Variants in KIAA1217 observed in about 807,000 individuals in gnomAD.
KIAA1217 encodes the protein KIAA1217.
Under a neutral mutation model 163.9 loss-of-function variants are expected in KIAA1217, and 88 were observed. The ratio of observed to expected loss-of-function variants is 0.54; its 90% confidence interval spans 0.45 to 0.64. The LOEUF (loss-of-function observed/expected upper bound fraction) is 0.64. Ranked by LOEUF, KIAA1217 falls within the 30% of genes least tolerant of loss-of-function variation. The probability of loss-of-function intolerance (pLI) is 0.00; values close to 1 mark genes in which losing one functional copy is unlikely to be tolerated. For synonymous variants in KIAA1217, 903 were observed against 923.1 expected (o/e 0.98, Z 0.39); for missense variants, 2,372 against 2,475.0 (o/e 0.96, Z 0.88).
chr10:24,217,532 A>G (rs759694400), intron 1 of KIAA1217, among the ~76,000 whole-genome samples: 103 of 152,232 alleles, frequency 6.8e-4, no homozygotes, highest in Admixed American at 4.6e-4. Flanking sequence ...GAAGACTGGA[A>G]CAGGAAAACC....
At chr10:24,196,843 G>C (rs972133601) in intron 2 of KIAA1217, among the ~76,000 whole-genome samples, 1 of 152,200 alleles carries the variant, frequency 6.6e-6, no homozygotes, top group Non-Finnish European at 1.5e-5. Context: ...GCCTCCAGCT[G>C]TTTTATGGGG....
intron 2 of KIAA1217, among the ~76,000 whole-genome samples, chr10:24,369,762 C>T (rs2051312801): frequency 1.3e-5 from 2 of 152,128 alleles, no homozygotes; most frequent in African/African-American, 4.8e-5. Flanking sequence ...ACACAGACAC[C>T]TTTTATCCTA....
At chr10:24,024,460 C>A (rs1430163911) in intron 2 of KIAA1217, among the ~76,000 whole-genome samples, 2 of 151,530 alleles carry the variant, frequency 1.3e-5, no homozygotes, top group Non-Finnish European at 3.0e-5. Context: ...TTATTTTTAT[C>A]CACGCAGTAG....
chr10:23,695,585 G>A lies in KIAA1217; in HGVS notation c.-321+351G>A, dbSNP rs1835976099. On this transcript the variant is annotated intron_variant, in intron 1 of 18. Transcript: ENST00000376462. This position sits in a 1 kb window ranked among gnomAD's most constrained non-coding sequence, Gnocchi z 4.9. ...TTGGCGTGCCCCCCTGGAGTGGCGA[G>A]CCAGGGGCTTATATAGGTGCGACTA... Among the ~76,000 whole-genome samples the A allele has an allele frequency of 6.6e-6, 1 of 152,162 alleles. No individual in the cohort carries two copies. The highest frequency in any genetic ancestry group is 6.5e-5 in the Admixed American group (1 of 15,284).
At chr10:24,133,203 G>A (rs144525652) in intron 2 of KIAA1217, among the ~76,000 whole-genome samples, 1 of 152,228 alleles carries the variant, frequency 6.6e-6, no homozygotes, top group African/African-American at 2.4e-5. Context: ...GAGAATCTCT[G>A]AGGAACCCGC....
intron 2 of KIAA1217, among the ~76,000 whole-genome samples, chr10:24,183,986 C>T (rs946608541): frequency 2.0e-5 from 3 of 152,186 alleles, no homozygotes; most frequent in Admixed American, 2.0e-4. Context: ...AAAAACATAT[C>T]TCCCCTGAGC....
intron 20 of KIAA1217, 79 bp from the exon 21 acceptor site, chr10:24,545,748 G>A (rs894888444): frequency 1.6e-5 from 24 of 1,524,228 alleles, no homozygotes; most frequent in Non-Finnish European, 1.9e-5. Context: ...ATTCTCAGAA[G>A]GGCTGTGTTG....
chr10:23,815,568 T>C lies in KIAA1217; in HGVS notation c.-321+120334T>C, dbSNP rs542046627. Among the ~76,000 whole-genome samples the C allele has an allele frequency of 2.1e-3, 322 of 152,212 alleles. 2 individuals carry two copies. The highest frequency in any genetic ancestry group is 7.4e-3 in the African/African-American group (309 of 41,520). ...CTGAGGCAGGAGAATGACGTGAACC[T>C]GGGAGGCAGAGCTTGCAGTGAGCTG... On this transcript the variant is annotated intron_variant, in intron 1 of 18. Transcript: ENST00000376462.
intron 3 of KIAA1217, among the ~76,000 whole-genome samples, chr10:24,391,333 C>CTTTTTTTTTTTTT (rs768727392): frequency 2.0e-3 from 59 of 29,880 alleles, no homozygotes; most frequent in East Asian, 4.0e-3. Flanking sequence ...TTCTTTCTTT[C>CTTTTTTTTTTTTT]TTTTTTTTTT....
chr10:24,148,543 G>A (rs750319263), intron 2 of KIAA1217, among the ~76,000 whole-genome samples: 18 of 152,040 alleles, frequency 1.2e-4, no homozygotes, highest in Non-Finnish European at 2.1e-4. Context: ...TTGAGTTCTC[G>A]CTGTAAGTTC....
At chr10:24,333,778 G>T (rs1303637017) in intron 2 of KIAA1217, among the ~76,000 whole-genome samples, 1 of 152,190 alleles carries the variant, frequency 6.6e-6, no homozygotes, top group Non-Finnish European at 1.5e-5. Context: ...CATTGAAAAA[G>T]CCATAAAGAT....
At chr10:24,380,807 C>T (rs1054063523) in intron 2 of KIAA1217, 62 bp from the exon 3 acceptor site, 5 of 1,213,316 alleles carry the variant, frequency 4.1e-6, no homozygotes, top group Non-Finnish European at 5.7e-6. Context: ...TGGCATTGGA[C>T]ATATTTTCCA....
intron 1 of KIAA1217, among the ~76,000 whole-genome samples, chr10:23,900,206 A>G (rs1841897901): frequency 2.0e-5 from 3 of 151,906 alleles, no homozygotes; most frequent in South Asian, 4.2e-4. Context: ...AGGTTTTGCA[A>G]TGTTGGCCAG....
At chr10:24,510,601 A>C (rs1246279941) in intron 9 of KIAA1217, among the ~76,000 whole-genome samples, 5 of 152,140 alleles carry the variant, frequency 3.3e-5, no homozygotes, top group Admixed American at 2.0e-4. Flanking sequence ...CCATTTAATT[A>C]TCTACTCATT....
rs1564881565 is a variant in KIAA1217, at chr10:24,533,209, A to G, written c.3386A>G (p.Glu1129Gly). Reference sequence around the variant, plus strand: ...AAGGATGAGGAGGAAGAAGAAGAAGAAGGAGACAAAATAATGGCAGAACTC... The same window carrying G: ...AAGGATGAGGAGGAAGAAGAAGAAGGAGGAGACAAAATAATGGCAGAACTC... ...SSKDEEEEEE[E>G]GDKIMAELQA... The change falls in exon 16 of 21, where the codon GAA becomes GGA. Residue 1129 changes from glutamate (E) to glycine (G), a missense_variant. Physicochemically the swap from Glu to Gly is moderately conservative, Grantham distance 98. Around this residue, in one of 3 missense-constraint regions of KIAA1217, gnomAD observed 1,431 missense variants for 1,470.3 expected, o/e 0.97. Coordinates refer to ENST00000376454, the MANE Select transcript of KIAA1217 (RefSeq NM_019590.5). 6.2e-7 allele frequency: 1 copy of G among 1,611,426 alleles called. No individual in the cohort carries two copies. The highest frequency in any genetic ancestry group is 8.5e-7 in the Non-Finnish European group (1 of 1,178,716).
At chr10:24,086,599 A>G (rs1458896862) in intron 2 of KIAA1217, among the ~76,000 whole-genome samples, 2 of 152,208 alleles carry the variant, frequency 1.3e-5, no homozygotes, top group Non-Finnish European at 2.9e-5. Context: ...CTAATGTTCC[A>G]TAAATGTCAT....
At chr10:24,354,253 C>G (rs1212732304) in intron 2 of KIAA1217, among the ~76,000 whole-genome samples, 2 of 152,144 alleles carry the variant, frequency 1.3e-5, no homozygotes, top group African/African-American at 4.8e-5. Flanking sequence ...TGGCAGAGTT[C>G]CCGGACCCCC....
At chr10:23,799,091 A>G (rs1479522917) in intron 1 of KIAA1217, among the ~76,000 whole-genome samples, 13 of 152,128 alleles carry the variant, frequency 8.5e-5, no homozygotes, top group Non-Finnish European at 1.8e-4. Context: ...TTGTACATGC[A>G]TCACCCTGGA....
In KIAA1217 at chr10:24,341,527, A is replaced by G. The variant is rs369196179; in HGVS notation, c.355-39342A>G. Among the ~76,000 whole-genome samples the G allele has an allele frequency of 3.9e-5, 6 of 152,326 alleles. No homozygotes were observed. In the South Asian group the frequency reaches 6.2e-4, roughly 16 times the overall value. On this transcript the variant is annotated intron_variant, in intron 2 of 20. Transcript: ENST00000376454. ...ATTTCTACTTGTAGATACGTATAGT[A>G]TCTCCTCTATTTGAGCCCAACATTC...
Sources: allele counts gnomAD v4.1 joint callset (sites outside exome capture counted in the v4.1 genomes callset), GRCh38; gene constraint gnomAD v4.1.1; regional missense constraint gnomAD v4.1.1; non-coding constraint Gnocchi (gnomAD v3.1); transcripts MANE v1.5; gene names NCBI Gene and HGNC (gene_info 2026-07-23, HGNC 2026-07-21).